KRT78: variants seen among roughly 807,000 people sequenced by gnomAD.
KRT78 encodes keratin 78.
Under a neutral mutation model 51.4 loss-of-function variants are expected in KRT78, and 55 were observed. That is an observed-to-expected ratio of 1.07 (90% CI 0.86 to 1.34). KRT78 has a LOEUF of 1.34. Among genes scored for constraint, KRT78 ranks in the 40% most tolerant of loss-of-function variants. KRT78 has a pLI of 0.00. For synonymous variants in KRT78, 291 were observed against 264.3 expected (o/e 1.10, Z -0.98); for missense variants, 652 against 649.4 (o/e 1.00, Z -0.04).
intron 7 of KRT78, 33 bp from the exon 8 acceptor site, chr12:52,839,520 A>G: frequency 1.9e-6 from 3 of 1,541,830 alleles, no homozygotes; most frequent in Non-Finnish European, 2.6e-6. Context: ...GGGATGCGCT[A>G]AGGAATACTA....
At chr12:52,842,937 A>AAGAGAGAG (rs35721226) in intron 6 of KRT78, among the ~76,000 whole-genome samples, 1 of 103,674 alleles carries the variant, frequency 9.6e-6, no homozygotes, top group Non-Finnish European at 1.7e-5. Context: ...GAAAGAAAGA[A>AAGAGAGAG]AGAGAGAGAG....
In KRT78 at chr12:52,844,538, C is replaced by T. The variant is rs367980160; in HGVS notation, c.921+21G>A. On this transcript the variant is annotated intron_variant, in intron 5 of 8. Transcript: ENST00000304620. ...AGACCTAGCCATTTCCAGCATGGTGCTGCCCCCCAGGTCCCACCACCTTGG... is the reference window on the plus strand; with the variant it reads ...AGACCTAGCCATTTCCAGCATGGTGTTGCCCCCCAGGTCCCACCACCTTGG... 17 of 1,605,544 alleles carry T rather than the reference C, an allele frequency of 1.1e-5. No individual in the cohort carries two copies. The African/African-American group carries it at 2.0e-4, about 19-fold the overall frequency.
intron 6 of KRT78, among the ~76,000 whole-genome samples, chr12:52,843,527 T>C (rs541992029): frequency 3.3e-5 from 5 of 149,372 alleles, no homozygotes; most frequent in Admixed American, 2.0e-4. Flanking sequence ...CCGTCCCTAC[T>C]GAAAATGCAA....
chr12:52,839,969 C>A lies in KRT78; in HGVS notation c.1063G>T (p.Ala355Ser). Residue 355 changes from alanine (A) to serine (S), a missense_variant, in exon 7 of 9, where the codon GCC (alanine) becomes TCC (serine). Physicochemically the swap from Ala to Ser is moderately conservative, Grantham distance 99. Coordinates refer to ENST00000304620, the MANE Select transcript of KRT78 (RefSeq NM_173352.4). ...CGCTGCTCAGCATCAGTGATGGCGG[C>A]CTGCAGGCTGGCGTTCTGGAAGCGG... ...NLKKQNASLQ[A>S]AITDAEQRGE... 1 of 1,612,844 alleles carries A rather than the reference C, an allele frequency of 6.2e-7. No individual in the cohort carries two copies. The highest frequency in any genetic ancestry group is 8.5e-7 in the Non-Finnish European group (1 of 1,179,026).
intron 6 of KRT78, among the ~76,000 whole-genome samples, chr12:52,840,707 A>C (rs1940474395): frequency 6.6e-6 from 1 of 152,090 alleles, no homozygotes; most frequent in African/African-American, 2.4e-5. Flanking sequence ...CTCCATCTCA[A>C]AAAATAGAAA....
rs754498528 is a variant in KRT78, at chr12:52,839,107, G to A, written c.*6C>T. The stretch of plus-strand genomic sequence containing the variant: ...GTGTTCAGGAAGGAGGTGGCTGCTG[G>A]GTCGCTCAGTAGGTGATGGATGTCT... On this transcript the variant is annotated 3_prime_UTR_variant, in exon 9 of 9. Coordinates refer to ENST00000304620, the MANE Select transcript of KRT78 (RefSeq NM_173352.4). 14 of 1,611,034 alleles carry A rather than the reference G, an allele frequency of 8.7e-6. No homozygotes were observed. The highest frequency in any genetic ancestry group is 2.2e-5 in the South Asian group (2 of 90,696).
intron 2 of KRT78, among the ~76,000 whole-genome samples, chr12:52,847,165 G>A (rs1325296507): frequency 6.6e-6 from 1 of 152,178 alleles, no homozygotes; most frequent in South Asian, 2.1e-4. Flanking sequence ...AGATGACTAG[G>A]TAGACAAAGC....
chr12:52,842,959 G>GAGAGAAAGGAAGGA (rs1299063277), intron 6 of KRT78, among the ~76,000 whole-genome samples: 2 of 53,760 alleles, frequency 3.7e-5, no homozygotes, highest in East Asian at 6.6e-4. Flanking sequence ...GAGAGAGAGA[G>GAGAGAAAGGAAGGA]AGGAAGGAAG....
chr12:52,846,175 C>T (rs768505280), intron 4 of KRT78, 22 bp downstream of exon 4: 1 of 1,564,334 alleles, frequency 6.4e-7, no homozygotes, highest in Non-Finnish European at 8.8e-7. Flanking sequence ...TGGCTGCAGC[C>T]TGCCCTTTGG....
chr12:52,843,598 G>C (rs1306043803), intron 6 of KRT78, among the ~76,000 whole-genome samples: 1 of 146,178 alleles, frequency 6.8e-6, no homozygotes, highest in Non-Finnish European at 1.5e-5. Flanking sequence ...GCTGAGGCAG[G>C]AGAATCCCTT....
intron 4 of KRT78, 30 bp downstream of exon 4, chr12:52,846,167 G>A (rs779841657): frequency 6.6e-7 from 1 of 1,518,264 alleles, no homozygotes; most frequent in African/African-American, 1.4e-5. Flanking sequence ...CTCTCTCTTG[G>A]CTGCAGCCTG....
In KRT78 at chr12:52,848,708, G is replaced by C; in HGVS notation, c.223C>G (p.Leu75Val). Residue 75 changes from leucine (L) to valine (V), a missense_variant, in exon 1 of 9, where the codon CTC becomes GTC. Physicochemically the swap from Leu to Val is conservative, Grantham distance 32. Coordinates refer to ENST00000304620, the MANE Select transcript of KRT78 (RefSeq NM_173352.4). ...RFGEWSGGPG[L>V]SLCPPGGIQE... ...ATGCCCCCCGGAGGGCACAGGGAGA[G>C]CCCAGGCCCACCACTCCACTCCCCA... is the stretch of plus-strand genomic sequence containing the variant. 2 of 1,612,514 alleles carry C rather than the reference G, an allele frequency of 1.2e-6. No homozygotes were observed. Among genetic ancestry groups the C allele is most frequent in the Non-Finnish European group, 1.7e-6 (2 of 1,179,050 alleles).
At chr12:52,845,546 C>T (rs1940620517) in intron 4 of KRT78, among the ~76,000 whole-genome samples, 2 of 152,182 alleles carry the variant, frequency 1.3e-5, no homozygotes, top group South Asian at 2.1e-4. Context: ...CTCCATGTTC[C>T]CAATCCTCCT....
Position 52,848,770 on chromosome 12 carries a change from C to T in KRT78, c.161G>A (p.Ser54Asn). 4 of 1,611,500 alleles carry T rather than the reference C, an allele frequency of 2.5e-6. No individual in the cohort carries two copies. The highest frequency in any genetic ancestry group is 2.2e-5 in the East Asian group (1 of 44,780). ...FGGCLEGSRG[S>N]TWGSGGRLGV... The stretch of plus-strand genomic sequence containing the variant: ...CAGCCTACCCCCTGACCCCCAGGTA[C>T]TCCCACGAGAGCCTTCCAGGCACCC... Residue 54 changes from serine (S) to asparagine (N), a missense_variant, in exon 1 of 9, where the codon AGT becomes AAT. Physicochemically the swap from Ser to Asn is conservative, Grantham distance 46. Transcript: ENST00000304620.
chr12:52,844,047 G>A, intron 6 of KRT78, 46 bp downstream of exon 6: 1 of 1,602,054 alleles, frequency 6.2e-7, no homozygotes, highest in South Asian at 1.1e-5. Flanking sequence ...GTGAGTTGAA[G>A]GCACAAAGGC....
At chr12:52,846,436 T>G in intron 3 of KRT78, 144 bp from the exon 4 acceptor site, 1 of 676,164 alleles carries the variant, frequency 1.5e-6, no homozygotes, top group South Asian at 1.7e-5. Context: ...AGCCCCACTC[T>G]GTCCTGCTCT....
At chr12:52,848,269 C>T (rs1432289414) in intron 1 of KRT78, 148 bp from the exon 2 acceptor site, 1 of 1,539,894 alleles carries the variant, frequency 6.5e-7, no homozygotes. Context: ...CATGACCTTC[C>T]ATGACACTCT....
At chr12:52,844,467 C>T in intron 5 of KRT78, 92 bp downstream of exon 5, 1 of 1,464,894 alleles carries the variant, frequency 6.8e-7, no homozygotes, top group Non-Finnish European at 9.3e-7. Context: ...ACTGGAACTG[C>T]CCCAATGGGA....
chr12:52,846,717 A>G, intron 3 of KRT78, 47 bp downstream of exon 3: 2 of 1,534,388 alleles, frequency 1.3e-6, no homozygotes, highest in Non-Finnish European at 1.8e-6. Flanking sequence ...GGCTCCGTGC[A>G]CAGTGGATGC....
Sources: gnomAD v4.1 joint callset for allele counts (sites outside exome capture counted in the v4.1 genomes callset) on GRCh38, gnomAD v4.1.1 for gene constraint, MANE v1.5 for transcripts, NCBI Gene and HGNC (gene_info 2026-07-23, HGNC 2026-07-21) for gene names.